Variants in DNER observed in about 807,000 individuals in gnomAD.
DNER encodes delta/notch like EGF repeat containing.
DNER carries 33 observed loss-of-function variants against 78.2 expected under a neutral mutation model. The ratio of observed to expected loss-of-function variants is 0.42; its 90% confidence interval spans 0.32 to 0.56. The LOEUF (loss-of-function observed/expected upper bound fraction) is 0.56. Ranked by LOEUF, DNER falls within the 20% of genes least tolerant of loss-of-function variation. The pLI is 0.11. For synonymous variants in DNER, 417 were observed against 384.8 expected, an observed-to-expected ratio of 1.08 and a Z score of -0.98; for missense variants, 918 against 975.3, an observed-to-expected ratio of 0.94 and a Z score of 0.78.
At chr2:229,533,076 A>G (rs1051315132) in intron 5 of DNER, among the ~76,000 whole-genome samples, 4 of 152,238 alleles carry the variant, frequency 2.6e-5, no homozygotes, top group African/African-American at 9.6e-5. Flanking sequence ...CAGATGAGAG[A>G]CTACAATGTG....
chr2:229,594,249 C>T (rs545415684), intron 1 of DNER, among the ~76,000 whole-genome samples: 1 of 152,344 alleles, frequency 6.6e-6, no homozygotes, highest in African/African-American at 2.4e-5. Flanking sequence ...CATGCCAACA[C>T]TGAAATGGAG....
At chr2:229,598,379 G>A (rs10173621) in intron 1 of DNER, among the ~76,000 whole-genome samples, 2,370 of 152,318 alleles carry the variant, frequency 0.016, 25 homozygotes, top group Non-Finnish European at 0.023. Flanking sequence ...TAGGGGTCAG[G>A]AAGATGAATA....
At chr2:229,456,154 C>T (rs910478990) in intron 7 of DNER, among the ~76,000 whole-genome samples, 1 of 151,826 alleles carries the variant, frequency 6.6e-6, no homozygotes, top group Non-Finnish European at 1.5e-5. Flanking sequence ...TAGTGAGGGC[C>T]GCATGGAGTT....
At chr2:229,642,220 T>C (rs980488719) in intron 1 of DNER, among the ~76,000 whole-genome samples, 1 of 152,228 alleles carries the variant, frequency 6.6e-6, no homozygotes. Context: ...GACATTTTAC[T>C]GTAGCTTTTA....
chr2:229,593,718 G>T (rs1228918240), intron 1 of DNER, among the ~76,000 whole-genome samples: 1 of 152,154 alleles, frequency 6.6e-6, no homozygotes, highest in Admixed American at 6.5e-5. Context: ...TTATTTTTAG[G>T]AAGGCCTTGT....
chr2:229,482,337 C>G (rs138662006), intron 6 of DNER, among the ~76,000 whole-genome samples: 1 of 152,204 alleles, frequency 6.6e-6, no homozygotes, highest in Non-Finnish European at 1.5e-5. Flanking sequence ...TCTCCACATA[C>G]GAATAGCCAA....
intron 5 of DNER, among the ~76,000 whole-genome samples, chr2:229,531,545 C>G (rs1018505739): frequency 1.3e-5 from 2 of 152,162 alleles, no homozygotes; most frequent in Non-Finnish European, 2.9e-5. Context: ...TTAGAACACT[C>G]GCACATTGCT....
At chr2:229,373,374 C>T (rs1692530293) in intron 11 of DNER, among the ~76,000 whole-genome samples, 1 of 152,050 alleles carries the variant, frequency 6.6e-6, no homozygotes, top group Non-Finnish European at 1.5e-5. Flanking sequence ...CAGAGAAATG[C>T]AAATCAAAAC....
chr2:229,686,444 C>A (rs973663186), intron 1 of DNER, among the ~76,000 whole-genome samples: 3 of 152,200 alleles, frequency 2.0e-5, no homozygotes, highest in Non-Finnish European at 4.4e-5. Flanking sequence ...CTCTGGCCAA[C>A]CTGACTTAGC....
chr2:229,535,487 A>G (rs1353984159), intron 5 of DNER, among the ~76,000 whole-genome samples: 1 of 152,206 alleles, frequency 6.6e-6, no homozygotes, highest in African/African-American at 2.4e-5. Flanking sequence ...CCTGCCTGCC[A>G]TTAAGACTCA....
chr2:229,689,540 T>A lies in DNER; in HGVS notation c.276+24608A>T, dbSNP rs534094804. Among the ~76,000 whole-genome samples, 9 of 152,082 alleles carry A rather than the reference T, an allele frequency of 5.9e-5. No individual in the cohort carries two copies. In the South Asian group the frequency reaches 1.7e-3, roughly 28 times the overall value. On this transcript the variant is annotated intron_variant, in intron 1 of 12. Transcript: ENST00000341772. The stretch of plus-strand genomic sequence containing the variant: ...GGACATCAAGTCAGAAAAAAAAATA[T>A]GTTTAACTCAGATTGGATGAAAGGG...
intron 1 of DNER, among the ~76,000 whole-genome samples, chr2:229,710,983 G>GCACACACA (rs34720917): frequency 0.011 from 1,562 of 139,772 alleles, 15 homozygotes; most frequent in African/African-American, 0.028. Flanking sequence ...GCATACACGC[G>GCACACACA]CACACACACA....
chr2:229,514,186 T>C (rs1695926247), intron 5 of DNER, among the ~76,000 whole-genome samples: 1 of 152,216 alleles, frequency 6.6e-6, no homozygotes, highest in Non-Finnish European at 1.5e-5. Flanking sequence ...ATACCAATGA[T>C]ACTTGCTAGT....
At chr2:229,549,605 AT>A (rs746502844) in intron 4 of DNER, among the ~76,000 whole-genome samples, 30 of 152,050 alleles carry the variant, frequency 2.0e-4, no homozygotes, top group Non-Finnish European at 3.4e-4. Flanking sequence ...AGCCTATAAT[AT>A]TTTATTTCTT....
intron 5 of DNER, among the ~76,000 whole-genome samples, chr2:229,527,392 C>G (rs148608296): frequency 2.5e-4 from 38 of 152,342 alleles, no homozygotes; most frequent in African/African-American, 8.7e-4. Flanking sequence ...CTACTATTCT[C>G]ACTTTCACTG....
Position 229,504,715 on chromosome 2 carries a change from G to A in DNER, c.1147+8068C>T, listed in dbSNP as rs181249788. Among the ~76,000 whole-genome samples, 614 of 152,300 alleles carry A rather than the reference G, an allele frequency of 4.0e-3. 3 individuals are homozygous for A. The highest frequency in any genetic ancestry group is 6.7e-3 in the Non-Finnish European group (457 of 68,038). ...TGTCTTAAACCATGCATTTGTGACAGGAAATTACTCAGCACACCACATAGT... is the reference window on the plus strand; with the variant it reads ...TGTCTTAAACCATGCATTTGTGACAAGAAATTACTCAGCACACCACATAGT... On this transcript the variant is annotated intron_variant, in intron 6 of 12. Transcript: ENST00000341772.
At chr2:229,603,372 C>T (rs539129441) in intron 1 of DNER, among the ~76,000 whole-genome samples, 1 of 152,140 alleles carries the variant, frequency 6.6e-6, no homozygotes, top group South Asian at 2.1e-4. Flanking sequence ...TGTAACAAAC[C>T]TGCATGTTGT....
At chr2:229,397,754 C>T (rs1693180049) in intron 10 of DNER, among the ~76,000 whole-genome samples, 1 of 151,872 alleles carries the variant, frequency 6.6e-6, no homozygotes, top group South Asian at 2.1e-4. Flanking sequence ...GAAAAATAAA[C>T]AACATGCTCA....
At chr2:229,478,340 CA>C (rs1276160655) in intron 6 of DNER, among the ~76,000 whole-genome samples, 1 of 152,046 alleles carries the variant, frequency 6.6e-6, no homozygotes, top group Non-Finnish European at 1.5e-5. Flanking sequence ...ATTTACAAAC[CA>C]AAAAGATCCA....
Sources: allele counts gnomAD v4.1 joint callset (sites outside exome capture counted in the v4.1 genomes callset), GRCh38; gene constraint gnomAD v4.1.1; transcripts MANE v1.5; gene names NCBI Gene and HGNC (gene_info 2026-07-23, HGNC 2026-07-21).